The following CCR5AS variants were observed in gnomAD, a reference collection of about 807,000 sequenced individuals.
The protein encoded by CCR5AS is CCR5 antisense RNA.
chr3:46,389,672 G>T (rs1173283022), intron 2 of CCR5AS, among the ~76,000 whole-genome samples: 1 of 152,282 alleles, frequency 6.6e-6, no homozygotes, highest in East Asian at 1.9e-4. Context: ...CTTTTTGAGA[G>T]AGTGAAAGGA....
At chr3:46,365,879 A>T (rs561411807) in intron 3 of CCR5AS, among the ~76,000 whole-genome samples, 81 of 151,718 alleles carry the variant, frequency 5.3e-4, no homozygotes, top group Non-Finnish European at 9.9e-4. Flanking sequence ...TCACTTACAC[A>T]CCCTATCTCT....
intron 2 of CCR5AS, chr3:46,372,623 T>A: frequency 3.3e-6 from 1 of 301,342 alleles, no homozygotes; most frequent in Non-Finnish European, 6.2e-6. Context: ...TCCATGGTGC[T>A]ATAGAGCACA....
At chr3:46,399,612 T>G (rs1182089776) in intron 1 of CCR5AS, among the ~76,000 whole-genome samples, 6 of 151,852 alleles carry the variant, frequency 4.0e-5, no homozygotes, top group African/African-American at 1.5e-4. Flanking sequence ...TGGGAAAAAA[T>G]GATGAAGGTT....
rs3176763 is a variant in CCR5AS at position 46,372,790 on chromosome 3, G to T, written n.392-1373C>A. 14,559 of 784,414 alleles carry T rather than the reference G, an allele frequency of 0.019. 1,413 individuals carry two copies. The African/African-American group carries it at 0.22, about 12-fold the overall frequency. The allele number at this position is 784,414 out of a possible 1,614,324, so 48.6% of individuals were successfully genotyped here. ...TTAATTCAATGTAGACATCTATGTA[G>T]GCAATTAAAAACCTATTGATGTATA... On this transcript the variant is annotated intron_variant and non_coding_transcript_variant, in intron 2 of 3. Transcript: ENST00000451485.
At chr3:46,404,327 CTTTT>C (rs10567130) in intron 1 of CCR5AS, among the ~76,000 whole-genome samples, 4 of 75,902 alleles carry the variant, frequency 5.3e-5, no homozygotes, top group African/African-American at 6.9e-5. Context: ...CTCTCTCTCT[CTTTT>C]TTTTTTTTTT....
At chr3:46,393,751 C>T (rs983772313) in intron 1 of CCR5AS, among the ~76,000 whole-genome samples, 6 of 152,226 alleles carry the variant, frequency 3.9e-5, no homozygotes, top group Non-Finnish European at 8.8e-5. Context: ...CTCCAGAACA[C>T]ATAGGAGGGC....
chr3:46,368,194 G>T (rs1267902942), intron 3 of CCR5AS, among the ~76,000 whole-genome samples: 1 of 152,196 alleles, frequency 6.6e-6, no homozygotes, highest in Admixed American at 6.5e-5. Context: ...GCCCCAAAAA[G>T]GAGGGATGGC....
intron 3 of CCR5AS, among the ~76,000 whole-genome samples, chr3:46,367,838 C>T (rs1701614654): frequency 6.6e-6 from 1 of 152,238 alleles, no homozygotes; most frequent in Non-Finnish European, 1.5e-5. Context: ...TCCCAAAGTG[C>T]TGGGATTATA....
At chr3:46,384,866 TAGATAG>T (rs1701844937) in intron 2 of CCR5AS, among the ~76,000 whole-genome samples, 2 of 25,852 alleles carry the variant, frequency 7.7e-5, no homozygotes, top group Non-Finnish European at 1.5e-4. Flanking sequence ...GATAGATAGA[TAGATAG>T]ATAGATAGAT....
chr3:46,371,711 G>A (rs971770872), intron 2 of CCR5AS, among the ~76,000 whole-genome samples: 5 of 152,148 alleles, frequency 3.3e-5, no homozygotes, highest in South Asian at 2.1e-4. Context: ...GGTGGCAGAC[G>A]AAACATTTTT....
intron 3 of CCR5AS, among the ~76,000 whole-genome samples, chr3:46,367,365 TAAAAAAAAAA>T (rs10714482): frequency 7.7e-6 from 1 of 129,610 alleles, no homozygotes; most frequent in Non-Finnish European, 1.6e-5. Flanking sequence ...AATCTTTAGC[TAAAAAAAAAA>T]AAAAAAGAAG....
At chr3:46,401,907 A>C (rs1702009122) in intron 1 of CCR5AS, among the ~76,000 whole-genome samples, 1 of 151,944 alleles carries the variant, frequency 6.6e-6, no homozygotes, top group Admixed American at 6.5e-5. Context: ...CCTGTATGAA[A>C]ATTTTAAAAG....
chr3:46,380,222 T>A (rs908010213), intron 2 of CCR5AS, among the ~76,000 whole-genome samples: 2 of 152,074 alleles, frequency 1.3e-5, no homozygotes, highest in African/African-American at 2.4e-5. Flanking sequence ...GGTCTGTAAA[T>A]CAGCTGTTAA....
intron 3 of CCR5AS, among the ~76,000 whole-genome samples, chr3:46,365,344 A>G (rs150470273): frequency 5.8e-4 from 88 of 152,336 alleles, no homozygotes; most frequent in African/African-American, 2.0e-3. Context: ...CCTCTTCAGC[A>G]AAAACACTAT....
chr3:46,373,290 G>A lies in CCR5AS; in HGVS notation n.392-1873C>T, dbSNP rs541069027. On this transcript the variant is annotated intron_variant and non_coding_transcript_variant, in intron 2 of 3. Transcript: ENST00000451485. ...CCTGACAATCGATAGGTACCTGGCT[G>A]TCGTCCATGCTGTGTTTGCTTTAAA... 144 of 1,614,106 alleles carry A rather than the reference G, an allele frequency of 8.9e-5. No individual in the cohort carries two copies. The South Asian group carries it at 1.5e-3, about 17-fold the overall frequency.
chr3:46,403,064 AC>A (rs1702016635), intron 1 of CCR5AS, among the ~76,000 whole-genome samples: 1 of 152,250 alleles, frequency 6.6e-6, no homozygotes, highest in Non-Finnish European at 1.5e-5. Context: ...CCACAAAAAA[AC>A]ATGATCTCGT....
At chr3:46,381,873 A>T (rs1195430976) in intron 2 of CCR5AS, among the ~76,000 whole-genome samples, 3 of 152,240 alleles carry the variant, frequency 2.0e-5, no homozygotes, top group African/African-American at 7.2e-5. Flanking sequence ...AAGTGACTTA[A>T]CGTCTCTGGC....
At chr3:46,372,907 A>T in intron 2 of CCR5AS, 2 of 1,580,284 alleles carry the variant, frequency 1.3e-6, no homozygotes, top group African/African-American at 1.3e-5. Context: ...AACAAGATGG[A>T]TTATCAAGTG....
At chr3:46,368,979 GCTAT>G (rs1701628751) in intron 3 of CCR5AS, among the ~76,000 whole-genome samples, 2 of 152,036 alleles carry the variant, frequency 1.3e-5, no homozygotes, top group Non-Finnish European at 1.5e-5. Context: ...TGAATACAAG[GCTAT>G]CTATCTTTCG....
Sources: allele counts gnomAD v4.1 joint callset (sites outside exome capture counted in the v4.1 genomes callset), GRCh38; gene constraint gnomAD v4.1.1; transcripts MANE v1.5; gene names NCBI Gene and HGNC (gene_info 2026-07-23, HGNC 2026-07-21).